GALNT13: variants seen among roughly 807,000 people sequenced by gnomAD.
GALNT13 encodes polypeptide N-acetylgalactosaminyltransferase 13.
In GALNT13, 28 loss-of-function variants were observed where a neutral mutation model predicts 64.2. That is an observed-to-expected ratio of 0.44 (90% CI 0.32 to 0.60). GALNT13 has a LOEUF of 0.60. Among genes scored for constraint, GALNT13 ranks in the 20% least tolerant of loss-of-function variants. GALNT13 has a pLI of 0.05. For missense variants in GALNT13, 577 were observed against 669.8 expected (o/e 0.86, Z 1.53); for synonymous variants, 214 against 224.6 (o/e 0.95, Z 0.42).
the GALNT13 span, among the ~76,000 whole-genome samples, chr2:153,833,450 T>G: frequency 6.6e-6 from 1 of 152,214 alleles, no homozygotes; most frequent in East Asian, 1.9e-4. Flanking sequence ...AATTGTAACT[T>G]GAGGTTGCTA....
At chr2:153,470,600 T>C in the GALNT13 span, among the ~76,000 whole-genome samples, 1 of 152,164 alleles carries the variant, frequency 6.6e-6, no homozygotes, top group Non-Finnish European at 1.5e-5. Flanking sequence ...ACACTAGATA[T>C]CAGCTTCTTT....
chr2:153,950,427 TAGTC>T (rs1692091492), intron 3 of GALNT13, among the ~76,000 whole-genome samples: 1 of 152,082 alleles, frequency 6.6e-6, no homozygotes, highest in South Asian at 2.1e-4. Context: ...CACTTATATT[TAGTC>T]AGTTGGCAAA....
At chr2:153,275,344 C>T in the GALNT13 span, among the ~76,000 whole-genome samples, 125,607 of 152,114 alleles carry the variant, frequency 0.83, 53,041 homozygotes, top group African/African-American at 0.91. Context: ...GGTTATATTA[C>T]GGTATTAAGA....
chr2:153,577,129 C>T, the GALNT13 span, among the ~76,000 whole-genome samples: 1 of 151,866 alleles, frequency 6.6e-6, no homozygotes, highest in East Asian at 1.9e-4. Flanking sequence ...TCTAAAGAGG[C>T]TACCTTTTCC....
chr2:154,205,171 G>A (rs1687374276), intron 4 of GALNT13, among the ~76,000 whole-genome samples: 1 of 152,090 alleles, frequency 6.6e-6, no homozygotes, highest in Admixed American at 6.5e-5. Context: ...ACTTATTAAG[G>A]GAGTGGATAA....
the GALNT13 span, among the ~76,000 whole-genome samples, chr2:153,222,307 T>TGGG: frequency 2.4e-3 from 15 of 6,298 alleles, no homozygotes; most frequent in Middle Eastern, 0.1. Flanking sequence ...TGAGTCTGGC[T>TGGG]GGGGGGGGGG....
chr2:154,161,972 G>T (rs182277146), intron 4 of GALNT13, among the ~76,000 whole-genome samples: 52 of 152,118 alleles, frequency 3.4e-4, no homozygotes, highest in African/African-American at 1.1e-3. Context: ...TAGTAGAGAT[G>T]GGGTTTCACT....
At chr2:153,110,295 G>A in the GALNT13 span, among the ~76,000 whole-genome samples, 328 of 152,150 alleles carry the variant, frequency 2.2e-3, no homozygotes, top group African/African-American at 7.5e-3. Context: ...GTGGATATAG[G>A]ATTTTATCCT....
chr2:153,303,782 A>AT, the GALNT13 span, among the ~76,000 whole-genome samples: 2 of 151,798 alleles, frequency 1.3e-5, no homozygotes, highest in Admixed American at 6.6e-5. Flanking sequence ...TTTTGTCAAG[A>AT]TTTTTTTTGG....
At chr2:153,234,447 C>T in the GALNT13 span, among the ~76,000 whole-genome samples, 52 of 152,174 alleles carry the variant, frequency 3.4e-4, no homozygotes, top group African/African-American at 1.1e-3. Flanking sequence ...TCTAGCTGGT[C>T]CCACCTTTAT....
At chr2:154,250,677 A>C (rs1244364435) in intron 7 of GALNT13, among the ~76,000 whole-genome samples, 1 of 152,112 alleles carries the variant, frequency 6.6e-6, no homozygotes, top group Non-Finnish European at 1.5e-5. Flanking sequence ...GTTACTCTTT[A>C]ACATCTTATA....
chr2:154,255,284 G>T (rs1690309652), intron 7 of GALNT13, among the ~76,000 whole-genome samples: 1 of 152,154 alleles, frequency 6.6e-6, no homozygotes, highest in Non-Finnish European at 1.5e-5. Context: ...GGCGGGAGCA[G>T]GATCTAGCTT....
intron 3 of GALNT13, among the ~76,000 whole-genome samples, chr2:153,988,097 C>T (rs1404613069): frequency 6.6e-6 from 1 of 151,518 alleles, no homozygotes; most frequent in Non-Finnish European, 1.5e-5. Context: ...CACACACACA[C>T]ACATATACAA....
the GALNT13 span, among the ~76,000 whole-genome samples, chr2:153,859,616 A>T: frequency 6.6e-6 from 1 of 152,336 alleles, no homozygotes; most frequent in African/African-American, 2.4e-5. Context: ...AGATAAGTAT[A>T]ACATTGTCCA....
At chr2:153,583,842 C>T in the GALNT13 span, among the ~76,000 whole-genome samples, 2 of 152,192 alleles carry the variant, frequency 1.3e-5, no homozygotes, top group African/African-American at 4.8e-5. Context: ...TGGGCTCTCA[C>T]ACCCAGCTCT....
the GALNT13 span, among the ~76,000 whole-genome samples, chr2:153,566,351 T>TTGTTTTG: frequency 2.0e-4 from 13 of 64,208 alleles, no homozygotes; most frequent in East Asian, 6.9e-4. Context: ...TAATCACGTT[T>TTGTTTTG]TTTTTTTTTT....
the GALNT13 span, among the ~76,000 whole-genome samples, chr2:153,260,719 T>G: frequency 1.3e-5 from 2 of 152,158 alleles, no homozygotes; most frequent in African/African-American, 4.8e-5. Context: ...ACCTTCTACT[T>G]GAATATTGAT....
At chr2:154,340,686 G>A (rs1695712175) in intron 9 of GALNT13, among the ~76,000 whole-genome samples, 1 of 151,982 alleles carries the variant, frequency 6.6e-6, no homozygotes, top group South Asian at 2.1e-4. Flanking sequence ...ATATGACAAA[G>A]TCCATGGGAC....
the GALNT13 span, among the ~76,000 whole-genome samples, chr2:153,406,960 A>C: frequency 0.012 from 1,901 of 152,274 alleles, 52 homozygotes; most frequent in African/African-American, 0.043. Flanking sequence ...CAGATATATA[A>C]ATTGAAACAT....
Sources: allele counts gnomAD v4.1 joint callset (sites outside exome capture counted in the v4.1 genomes callset), GRCh38; gene constraint gnomAD v4.1.1; transcripts MANE v1.5; gene names NCBI Gene and HGNC (gene_info 2026-07-23, HGNC 2026-07-21).